The following FGF20 variants were observed in gnomAD, a reference collection of about 807,000 sequenced individuals.
The protein encoded by FGF20 is fibroblast growth factor 20.
FGF20 carries 8 observed loss-of-function variants against 16.7 expected under a neutral mutation model. That is an observed-to-expected ratio of 0.48 (90% CI 0.28 to 0.87). The LOEUF is 0.87. Among genes scored for constraint, FGF20 ranks in the 40% least tolerant of loss-of-function variants. The pLI is 0.10. For synonymous variants in FGF20, 161 were observed against 118.6 expected (o/e 1.36, Z -2.32); for missense variants, 397 against 281.4 (o/e 1.41, Z -2.94).
chr8:16,998,294 G>C (rs1810102712), intron 1 of FGF20, among the ~76,000 whole-genome samples: 1 of 152,142 alleles, frequency 6.6e-6, no homozygotes, highest in Admixed American at 6.5e-5. Flanking sequence ...ACATAACCAG[G>C]TATAAATAAT....
chr8:17,001,702 G>C (rs775578455), intron 1 of FGF20, 45 bp downstream of exon 1: 1 of 1,522,198 alleles, frequency 6.6e-7, no homozygotes, highest in Non-Finnish European at 8.8e-7. Context: ...ACGAGGAGCC[G>C]AGCTGGGGCG....
intron 2 of FGF20, among the ~76,000 whole-genome samples, chr8:16,994,153 C>G (rs547988596): frequency 6.6e-6 from 1 of 152,252 alleles, no homozygotes; most frequent in East Asian, 1.9e-4. Context: ...CCTACTCCCG[C>G]CATCACTACC....
rs75158505 is a variant in FGF20, at chr8:16,999,325, C to T, written c.286+2422G>A. 1.5e-4 allele frequency among the ~76,000 whole-genome samples: 23 copies of T among 152,094 alleles called. No homozygotes were observed. In the East Asian group the frequency reaches 2.3e-3, roughly 15 times the overall value. ...ACAAATTTCGCAAAAACAAAATGTG[C>T]GAGCAAGATGATAATTCTGATATTC... On this transcript the variant is annotated intron_variant, in intron 1 of 2. Coordinates refer to ENST00000180166, the MANE Select transcript of FGF20 (RefSeq NM_019851.3).
In FGF20 at chr8:16,993,013, G is replaced by T; in HGVS notation, c.*59C>A. 1 of 1,562,030 alleles carries T rather than the reference G, an allele frequency of 6.4e-7. No individual in the cohort carries two copies. Among genetic ancestry groups the T allele is most frequent in the South Asian group, 1.2e-5 (1 of 83,498 alleles). On this transcript the variant is annotated 3_prime_UTR_variant, in exon 3 of 3. Transcript: ENST00000180166. ...TCCTTGGGTCATTATTTTATGATGG[G>T]AACTATGACAAGAAAGAATGGTTGT...
chr8:16,997,841 A>T (rs1023382491), intron 1 of FGF20, among the ~76,000 whole-genome samples: 1 of 152,190 alleles, frequency 6.6e-6, no homozygotes, highest in African/African-American at 2.4e-5. Context: ...ATTGGTAGAA[A>T]ATATATATAT....
intron 1 of FGF20, among the ~76,000 whole-genome samples, chr8:16,996,484 A>G (rs1247363578): frequency 1.3e-5 from 2 of 152,196 alleles, no homozygotes; most frequent in Non-Finnish European, 2.9e-5. Flanking sequence ...GGACTAACAC[A>G]TTTAGGCATT....
rs761688715 is a variant in FGF20, at chr8:16,993,311, G to C, written c.397C>G (p.Leu133Val). 7.5e-6 allele frequency: 12 copies of C among 1,600,214 alleles called. No homozygotes were observed. In the East Asian group the frequency reaches 2.5e-4, roughly 33 times the overall value. ...TCCCTAAAGATGCATTCGGAAGTAA[G>C]TTTCTCCTGAAAGAGAGAAGATAAC... The part of the protein sequence containing the change: ...DKGELYGSEK[L>V]TSECIFREQF... Residue 133 changes from leucine (L) to valine (V), a missense_variant, in exon 3 of 3, where the codon CTT becomes GTT. By Grantham distance (32) the Leu-to-Val change is conservative (BLOSUM62 1). Transcript: ENST00000180166.
intron 1 of FGF20, among the ~76,000 whole-genome samples, chr8:17,000,036 G>A (rs1284772199): frequency 1.3e-5 from 2 of 152,122 alleles, no homozygotes; most frequent in African/African-American, 4.8e-5. Flanking sequence ...CAAGAGAACT[G>A]AGCCACCTGG....
In FGF20 at chr8:17,001,856, G is replaced by C. The variant is rs1810194256; in HGVS notation, c.177C>G (p.His59Gln). The C allele has an allele frequency of 6.7e-7, 1 of 1,493,816 alleles. No homozygotes were observed. The highest frequency in any genetic ancestry group is 8.9e-7 in the Non-Finnish European group (1 of 1,123,930). 92.5% of individuals were successfully genotyped at this position (1,493,816 alleles called of 1,614,324 possible). ...GCCGGCGGCGCAGGATGCCGTGCAG[G>C]TGCGCCAGCTGCGCAGCCCCCGGCC... ...RGGPGAAQLA[H>Q]LHGILRRRQL... is the part of the protein sequence containing the mutation. The change falls in exon 1 of 3, where the codon CAC becomes CAG. Residue 59 changes from histidine (H) to glutamine (Q), a missense_variant. Transcript: ENST00000180166.
At chr8:16,999,608 C>A (rs561120298) in intron 1 of FGF20, among the ~76,000 whole-genome samples, 1 of 144,838 alleles carries the variant, frequency 6.9e-6, no homozygotes, top group East Asian at 2.1e-4. Flanking sequence ...CTGCAACCTG[C>A]GCCTCCCGGG....
chr8:16,993,620 G>A (rs1381339721), intron 2 of FGF20, among the ~76,000 whole-genome samples: 1 of 152,076 alleles, frequency 6.6e-6, no homozygotes. Flanking sequence ...TGATCCAAGT[G>A]CATTACATTT....
At chr8:16,995,913 T>C (rs186319307) in intron 1 of FGF20, among the ~76,000 whole-genome samples, 155 bp from the exon 2 acceptor site, 1 of 152,220 alleles carries the variant, frequency 6.6e-6, no homozygotes, top group Non-Finnish European at 1.5e-5. Flanking sequence ...GAAACAGCTA[T>C]GCAATTGTTT....
rs1810193077 is a variant in FGF20 at position 17,001,821 on chromosome 8, C to T, written c.212G>A (p.Cys71Tyr). Reference sequence around the variant, plus strand: ...GATCTGCAGGTGGAAGCCGGTGCGGCAATAGAGCTGCCGGCGGCGCAGGAT... The same window carrying T: ...GATCTGCAGGTGGAAGCCGGTGCGGTAATAGAGCTGCCGGCGGCGCAGGAT... The part of the protein sequence containing the change: ...HGILRRRQLY[C>Y]RTGFHLQILP... The change falls in exon 1 of 3, where the codon TGC becomes TAC. Residue 71 changes from cysteine to tyrosine, a missense_variant. Cys to Tyr is a radical substitution (Grantham distance 194). Coordinates refer to ENST00000180166, the MANE Select transcript of FGF20 (RefSeq NM_019851.3). 1 of 1,544,772 alleles carries T rather than the reference C, an allele frequency of 6.5e-7. No individual in the cohort carries two copies. Among genetic ancestry groups the T allele is most frequent in the Non-Finnish European group, 8.7e-7 (1 of 1,150,652 alleles).
rs760057737 is a variant in FGF20 at position 17,001,885 on chromosome 8, C to T, written c.148G>A (p.Gly50Ser). 5.7e-5 allele frequency: 82 copies of T among 1,437,008 alleles called. No homozygotes were observed. Among genetic ancestry groups the T allele is most frequent in the Non-Finnish European group, 7.3e-5 (80 of 1,100,176 alleles). The allele number at this position is 1,437,008 out of a possible 1,614,324, so 89.0% of individuals were successfully genotyped here. The change falls in exon 1 of 3, where the codon GGC (glycine) becomes AGC (serine). Residue 50 changes from glycine (G) to serine (S), a missense_variant. Coordinates refer to ENST00000180166, the MANE Select transcript of FGF20 (RefSeq NM_019851.3). ...GCCAGCTGCGCAGCCCCCGGCCCGC[C>T]GCGCGCGCTCCGCTCCGCCGCGCTC... ...RRSAAERSAR[G>S]GPGAAQLAHL...
At chr8:16,999,621 C>T (rs1420729617) in intron 1 of FGF20, among the ~76,000 whole-genome samples, 1 of 143,100 alleles carries the variant, frequency 7.0e-6, no homozygotes, top group African/African-American at 2.6e-5. Context: ...CTCCCGGGTT[C>T]AAGCAATTCT....
chr8:16,998,632 A>G (rs763661762), intron 1 of FGF20, among the ~76,000 whole-genome samples: 7 of 152,180 alleles, frequency 4.6e-5, no homozygotes, highest in Non-Finnish European at 1.0e-4. Context: ...CTTCAAAGCC[A>G]GTCTTTTTAA....
intron 1 of FGF20, 55 bp from the exon 2 acceptor site, chr8:16,995,813 T>C: frequency 2.0e-6 from 2 of 1,001,770 alleles, no homozygotes; most frequent in Non-Finnish European, 3.0e-6. Context: ...TGCATGAGCA[T>C]ATGACTAACA....
rs1228175652 is a variant in FGF20, at chr8:17,001,767, C to T, written c.266G>A (p.Arg89Gln). Residue 89 changes from arginine (R) to glutamine (Q), a missense_variant, in exon 1 of 3, where the codon CGG (arginine) becomes CAG (glutamine). Arg to Gln is a conservative substitution (Grantham distance 43, BLOSUM62 1). Coordinates refer to ENST00000180166, the MANE Select transcript of FGF20 (RefSeq NM_019851.3). Reference sequence around the variant, plus strand: ...CGTACCGAAGAGGCTGTGGTCCTGCCGGGTGCCCTGCACGCTGCCGTCGGG... The same window carrying T: ...CGTACCGAAGAGGCTGTGGTCCTGCTGGGTGCCCTGCACGCTGCCGTCGGG... The part of the protein sequence containing the change: ...ILPDGSVQGT[R>Q]QDHSLFGILE... 2.5e-6 allele frequency: 4 copies of T among 1,577,228 alleles called. No individual in the cohort carries two copies. Among genetic ancestry groups the T allele is most frequent in the African/African-American group, 1.4e-5 (1 of 71,710 alleles).
chr8:16,995,820 A>C, intron 1 of FGF20, 62 bp from the exon 2 acceptor site: 1 of 943,086 alleles, frequency 1.1e-6, no homozygotes, highest in South Asian at 1.6e-5. Context: ...GCATATGACT[A>C]ACAAAAATCT....
Sources: gnomAD v4.1 joint callset for allele counts (sites outside exome capture counted in the v4.1 genomes callset) on GRCh38, gnomAD v4.1.1 for gene constraint, MANE v1.5 for transcripts, NCBI Gene and HGNC (gene_info 2026-07-23, HGNC 2026-07-21) for gene names.